Variants in COL22A1 observed in about 807,000 individuals in gnomAD.
COL22A1 encodes the protein collagen type XXII alpha 1 chain.
Under a neutral mutation model 248.9 loss-of-function variants are expected in COL22A1, and 221 were observed. The ratio of observed to expected loss-of-function variants is 0.89; its 90% CI spans 0.80 to 0.99. The LOEUF (loss-of-function observed/expected upper bound fraction) is 0.99. Ranked by LOEUF, COL22A1 falls within the 50% of genes least tolerant of loss-of-function variation. The pLI, the probability that COL22A1 is intolerant of heterozygous loss-of-function variation, is 0.00. For synonymous variants in COL22A1, 891 were observed against 793.4 expected, an observed-to-expected ratio of 1.12 and a Z score of -2.07; for missense variants, 2,240 against 2,179.0, an observed-to-expected ratio of 1.03 and a Z score of -0.56.
chr8:138,870,354 G>A (rs1563866963), intron 3 of COL22A1, among the ~76,000 whole-genome samples: 2 of 151,882 alleles, frequency 1.3e-5, no homozygotes, highest in East Asian at 3.9e-4. Flanking sequence ...GGTGTGTAGT[G>A]TGTATGTGGT....
At chr8:138,779,095 G>A (rs1486614440) in intron 14 of COL22A1, among the ~76,000 whole-genome samples, 1 of 152,184 alleles carries the variant, frequency 6.6e-6, no homozygotes, top group Non-Finnish European at 1.5e-5. Flanking sequence ...ATTAATTTTA[G>A]TGGAAAACAA....
At chr8:138,910,110 A>T (rs976789236) in intron 1 of COL22A1, among the ~76,000 whole-genome samples, 1 of 152,238 alleles carries the variant, frequency 6.6e-6, no homozygotes, top group African/African-American at 2.4e-5. Flanking sequence ...TGACTTTACT[A>T]AATAAGAAAG....
chr8:138,776,311 T>A (rs1021617716), intron 15 of COL22A1, among the ~76,000 whole-genome samples: 6 of 152,118 alleles, frequency 3.9e-5, no homozygotes, highest in Non-Finnish European at 7.4e-5. Flanking sequence ...GCTCCTGAAC[T>A]CCAGTGGCCA....
intron 32 of COL22A1, among the ~76,000 whole-genome samples, chr8:138,698,666 T>C (rs900562134): frequency 6.6e-6 from 1 of 151,746 alleles, no homozygotes; most frequent in Non-Finnish European, 1.5e-5. Context: ...GTGTCCCTCA[T>C]GCAGTGAGTA....
chr8:138,660,504 A>G, intron 43 of COL22A1, 24 bp from the exon 44 acceptor site: 1 of 1,610,736 alleles, frequency 6.2e-7, no homozygotes, highest in Non-Finnish European at 8.5e-7. Context: ...GAAATAAAAC[A>G]TTAACTGTGA....
intron 50 of COL22A1, among the ~76,000 whole-genome samples, chr8:138,628,049 T>C (rs1820398976): frequency 1.3e-5 from 2 of 152,210 alleles, no homozygotes; most frequent in Non-Finnish European, 2.9e-5. Flanking sequence ...ACATTCATAT[T>C]GTTATACATA....
intron 3 of COL22A1, among the ~76,000 whole-genome samples, chr8:138,849,075 G>A (rs939883028): frequency 6.6e-6 from 1 of 152,188 alleles, no homozygotes; most frequent in African/African-American, 2.4e-5. Context: ...GCTGCTCCGA[G>A]GCCAGCCAAG....
At chr8:138,610,715 GCCAGCTGCCGTCTT>G (rs1295062521) in intron 56 of COL22A1, among the ~76,000 whole-genome samples, 2 of 152,084 alleles carry the variant, frequency 1.3e-5, no homozygotes, top group African/African-American at 4.8e-5. Context: ...ATCTCACCAG[GCCAGCTGCCGTCTT>G]CCACCTCACA....
intron 44 of COL22A1, among the ~76,000 whole-genome samples, chr8:138,659,850 C>T (rs1474263250): frequency 1.3e-5 from 2 of 152,222 alleles, no homozygotes; most frequent in Non-Finnish European, 2.9e-5. Flanking sequence ...CCTGGTCTCA[C>T]TGTGAGGCAA....
chr8:138,854,547 C>T (rs1187110809), intron 3 of COL22A1, among the ~76,000 whole-genome samples: 1 of 152,112 alleles, frequency 6.6e-6, no homozygotes, highest in Non-Finnish European at 1.5e-5. Flanking sequence ...CACTGCCCTC[C>T]CCTTTGGCCT....
intron 56 of COL22A1, among the ~76,000 whole-genome samples, chr8:138,610,756 T>C (rs994816911): frequency 4.6e-5 from 7 of 152,184 alleles, no homozygotes; most frequent in Admixed American, 4.6e-4. Flanking sequence ...TTCTGAGTAC[T>C]CTCTGCTCTC....
intron 26 of COL22A1, among the ~76,000 whole-genome samples, chr8:138,721,211 C>A (rs1359690273): frequency 1.3e-5 from 2 of 152,192 alleles, no homozygotes; most frequent in Non-Finnish European, 2.9e-5. Context: ...CTGTATTTTG[C>A]CATGAAGTTG....
In COL22A1 at chr8:138,673,169, C is replaced by T. The variant is rs549169377; in HGVS notation, c.3150+3389G>A. 1.3e-4 allele frequency among the ~76,000 whole-genome samples: 19 copies of T among 150,772 alleles called. No individual in the cohort carries two copies. The South Asian group carries it at 3.3e-3, about 27-fold the overall frequency. ...CCAAAGGCATGGGAGCATGACATCA[C>T]GGGAGGAAGGAAGCAAAGAGTAACT... On this transcript the variant is annotated intron_variant, in intron 41 of 64. Coordinates refer to ENST00000303045, the MANE Select transcript of COL22A1 (RefSeq NM_152888.3).
At chr8:138,710,619 A>ATATC (rs1563649532) in intron 30 of COL22A1, among the ~76,000 whole-genome samples, 54 of 151,458 alleles carry the variant, frequency 3.6e-4, no homozygotes, top group South Asian at 8.3e-4. Context: ...ATATATATAT[A>ATATC]TCTCCATTTC....
chr8:138,758,347 G>A (rs1283167765), intron 18 of COL22A1, among the ~76,000 whole-genome samples: 5 of 152,188 alleles, frequency 3.3e-5, no homozygotes, highest in Admixed American at 2.0e-4. Flanking sequence ...CCTCAGAATC[G>A]TGTGAGATCA....
chr8:138,676,549 A>C lies in COL22A1; in HGVS notation c.3150+9T>G. 1.3e-6 allele frequency: 2 copies of C among 1,554,876 alleles called. No individual in the cohort carries two copies. Among genetic ancestry groups the C allele is most frequent in the Non-Finnish European group, 1.7e-6 (2 of 1,147,158 alleles). On this transcript the variant is annotated intron_variant, in intron 41 of 64. Transcript: ENST00000303045. Reference sequence around the variant, plus strand: ...AAAGCAAGTAAGAGCTGGATAAATAAAGACTTACAGGAGGGCCAGCAACCC... The same window carrying C: ...AAAGCAAGTAAGAGCTGGATAAATACAGACTTACAGGAGGGCCAGCAACCC...
chr8:138,843,501 A>G (rs1230506249), intron 4 of COL22A1, among the ~76,000 whole-genome samples: 1 of 152,214 alleles, frequency 6.6e-6, no homozygotes, highest in Non-Finnish European at 1.5e-5. Flanking sequence ...AGTGCTGAGC[A>G]GGGTGCCCGG....
At chr8:138,613,812 G>A (rs555629331) in intron 56 of COL22A1, 55 bp downstream of exon 56, 4 of 1,409,216 alleles carry the variant, frequency 2.8e-6, no homozygotes, top group African/African-American at 2.8e-5. Flanking sequence ...AAATATCATT[G>A]TGGTAAAAGG....
At chr8:138,690,766 T>C in intron 36 of COL22A1, 55 bp downstream of exon 36, 1 of 1,435,178 alleles carries the variant, frequency 7.0e-7, no homozygotes, top group South Asian at 1.3e-5. Context: ...TTGGGGAGGA[T>C]ACATTAACTA....
Sources: gnomAD v4.1 joint callset for allele counts (sites outside exome capture counted in the v4.1 genomes callset) on GRCh38, gnomAD v4.1.1 for gene constraint, MANE v1.5 for transcripts, NCBI Gene and HGNC (gene_info 2026-07-23, HGNC 2026-07-21) for gene names.